The following ARL6IP6 variants were observed in gnomAD, a reference collection of about 807,000 sequenced individuals.
The protein encoded by ARL6IP6 is ARF like GTPase 6 interacting protein 6, also known as ADP-ribosylation factor-like protein 6-interacting protein 6.
A neutral mutation model predicts 21.5 loss-of-function variants in ARL6IP6; 22 were observed. The observed-to-expected ratio is 1.02, with a 90% CI of 0.73 to 1.46. ARL6IP6 has a LOEUF of 1.46. ARL6IP6 is among the 40% of genes most tolerant of loss of function. The probability of loss-of-function intolerance (pLI) is 0.00; values close to 1 mark genes in which losing one functional copy is unlikely to be tolerated. For synonymous variants in ARL6IP6, 164 were observed against 125.3 expected, an observed-to-expected ratio of 1.31 and a Z score of -2.06; for missense variants, 388 against 299.8, an observed-to-expected ratio of 1.29 and a Z score of -2.17.
At chr2:152,759,712 TTTC>T (rs1249346443) in intron 3 of ARL6IP6, 32 bp from the exon 4 acceptor site, 3 of 1,558,102 alleles carry the variant, frequency 1.9e-6, no homozygotes, top group Non-Finnish European at 1.8e-6. Flanking sequence ...ACGTTACATT[TTTC>T]TTTTTTGATT....
intron 3 of ARL6IP6, among the ~76,000 whole-genome samples, chr2:152,758,984 A>G (rs1701710451): frequency 6.6e-6 from 1 of 152,176 alleles, no homozygotes. Flanking sequence ...TCTGCCTTCT[A>G]GAGAGTCTCA....
intron 3 of ARL6IP6, among the ~76,000 whole-genome samples, chr2:152,747,815 C>G (rs1315800816): frequency 2.0e-5 from 3 of 152,142 alleles, no homozygotes; most frequent in Non-Finnish European, 4.4e-5. Context: ...AAGTGATCCA[C>G]CCGCCTTGGC....
intron 1 of ARL6IP6, 31 bp downstream of exon 1, chr2:152,719,055 C>A: frequency 6.7e-7 from 1 of 1,494,662 alleles, no homozygotes; most frequent in Non-Finnish European, 8.9e-7. Flanking sequence ...AAAGTCTGTC[C>A]AGAGTAAAGT....
chr2:152,743,642 A>G (rs1466235251), intron 3 of ARL6IP6, among the ~76,000 whole-genome samples: 1 of 152,190 alleles, frequency 6.6e-6, no homozygotes, highest in African/African-American at 2.4e-5. Flanking sequence ...TAATAGGACT[A>G]TTATTTTATG....
At chr2:152,746,815 T>C (rs1701072036) in intron 3 of ARL6IP6, among the ~76,000 whole-genome samples, 1 of 136,674 alleles carries the variant, frequency 7.3e-6, no homozygotes, top group Non-Finnish European at 1.5e-5. Context: ...TGAGATTTTA[T>C]CCTTTCTTTT....
chr2:152,748,768 G>A (rs1014464043), intron 3 of ARL6IP6, among the ~76,000 whole-genome samples: 1 of 152,186 alleles, frequency 6.6e-6, no homozygotes, highest in African/African-American at 2.4e-5. Context: ...TCTGACATGT[G>A]GGAATACCTG....
At chr2:152,739,233 C>T (rs193295069) in intron 3 of ARL6IP6, among the ~76,000 whole-genome samples, 1 of 152,280 alleles carries the variant, frequency 6.6e-6, no homozygotes, top group East Asian at 1.9e-4. Flanking sequence ...GATCCGCCCA[C>T]CTTGGCCTCC....
chr2:152,722,545 A>G (rs1228414747), intron 2 of ARL6IP6, among the ~76,000 whole-genome samples: 3 of 152,240 alleles, frequency 2.0e-5, no homozygotes, highest in Non-Finnish European at 4.4e-5. Flanking sequence ...TGTCTCTACC[A>G]GAAGAGGATT....
At chr2:152,758,687 G>A (rs552510823) in intron 3 of ARL6IP6, among the ~76,000 whole-genome samples, 1 of 152,246 alleles carries the variant, frequency 6.6e-6, no homozygotes, top group South Asian at 2.1e-4. Flanking sequence ...GGTCTATGTA[G>A]CTTCAGATGA....
chr2:152,733,048 G>T (rs989025391), intron 2 of ARL6IP6, among the ~76,000 whole-genome samples: 1 of 152,030 alleles, frequency 6.6e-6, no homozygotes, highest in Non-Finnish European at 1.5e-5. Context: ...TCTCTCCAAG[G>T]CTATAAATGA....
Position 152,718,816 on chromosome 2 carries a change from G to C in ARL6IP6, c.192G>C (p.Trp64Cys). 6.2e-7 allele frequency: 1 copy of C among 1,608,754 alleles called. No homozygotes were observed. Among genetic ancestry groups the C allele is most frequent in the Non-Finnish European group, 8.5e-7 (1 of 1,177,362 alleles). ...DLRAEFSAGAWSEPRKRSVLP... is the reference protein window; with the variant it reads ...DLRAEFSAGACSEPRKRSVLP... ...GGGCGGAGTTCTCGGCTGGGGCGTG[G>C]TCAGAGCCCAGAAAGCGCTCGGTGC... Residue 64 changes from tryptophan (W) to cysteine (C), a missense_variant, in exon 1 of 4, where the codon TGG becomes TGC. By Grantham distance (215) the Trp-to-Cys change is radical. Transcript: ENST00000326446.
chr2:152,727,997 T>G (rs564447217), intron 2 of ARL6IP6, among the ~76,000 whole-genome samples: 4 of 152,354 alleles, frequency 2.6e-5, no homozygotes, highest in Admixed American at 2.6e-4. Flanking sequence ...CCGATCTACC[T>G]GTGTGTCTTT....
intron 2 of ARL6IP6, among the ~76,000 whole-genome samples, chr2:152,724,967 A>G (rs555045203): frequency 2.2e-4 from 34 of 152,128 alleles, no homozygotes; most frequent in African/African-American, 7.5e-4. Flanking sequence ...CTTAGACCCT[A>G]TAATTATCTA....
chr2:152,755,803 G>A (rs1701563172), intron 3 of ARL6IP6, among the ~76,000 whole-genome samples: 1 of 152,226 alleles, frequency 6.6e-6, no homozygotes, highest in South Asian at 2.1e-4. Context: ...TTATCTCTTT[G>A]TCTTGTGTCT....
At chr2:152,736,300 A>G (rs1700549815) in intron 3 of ARL6IP6, among the ~76,000 whole-genome samples, 1 of 152,170 alleles carries the variant, frequency 6.6e-6, no homozygotes, top group African/African-American at 2.4e-5. Context: ...AAATCACCAA[A>G]AAAGTAATCG....
intron 2 of ARL6IP6, among the ~76,000 whole-genome samples, chr2:152,725,587 G>A (rs4664607): frequency 0.83 from 125,669 of 152,058 alleles, 52,046 homozygotes; most frequent in Admixed American, 0.86. Flanking sequence ...TCCTCTTTTC[G>A]TCAAAATAAG....
rs747652463 is a variant in ARL6IP6, at chr2:152,720,416, C to G, written c.401-117C>G. 2.3e-4 allele frequency: 218 copies of G among 956,986 alleles called. 4 individuals carry two copies. In the South Asian group the frequency reaches 3.0e-3, roughly 13 times the overall value. 59.3% of individuals were successfully genotyped at this position (956,986 alleles called of 1,614,324 possible). A position where few individuals can be genotyped will look rare whatever the true frequency, so the allele number is the denominator to read the frequency against. On this transcript the variant is annotated intron_variant, in intron 1 of 3. Coordinates refer to ENST00000326446, the MANE Select transcript of ARL6IP6 (RefSeq NM_152522.7). Reference sequence around the variant, plus strand: ...TGGTAAATTGAATCAGAATTTGAACCCAGTTCTTTGTGACTCCAGAGCACT... The same window carrying G: ...TGGTAAATTGAATCAGAATTTGAACGCAGTTCTTTGTGACTCCAGAGCACT...
At chr2:152,748,879 C>T (rs1470060233) in intron 3 of ARL6IP6, among the ~76,000 whole-genome samples, 4 of 152,148 alleles carry the variant, frequency 2.6e-5, no homozygotes, top group African/African-American at 9.7e-5. Context: ...CAGTTCAGAT[C>T]AACCAAAACT....
At chr2:152,719,477 C>A (rs1392361683) in intron 1 of ARL6IP6, among the ~76,000 whole-genome samples, 1 of 152,174 alleles carries the variant, frequency 6.6e-6, no homozygotes, top group Admixed American at 6.5e-5. Flanking sequence ...ATCGCATAGT[C>A]CAAATTTCTT....
Sources: gnomAD v4.1 joint callset for allele counts (sites outside exome capture counted in the v4.1 genomes callset) on GRCh38, gnomAD v4.1.1 for gene constraint, MANE v1.5 for transcripts, NCBI Gene and HGNC (gene_info 2026-07-23, HGNC 2026-07-21) for gene names.